Variants in ZFP64 observed in about 807,000 individuals in gnomAD.
ZFP64 encodes ZFP64 zinc finger protein.
In ZFP64, 14 loss-of-function variants were observed where a neutral mutation model predicts 51.6. The observed-to-expected ratio is 0.27, with a 90% confidence interval of 0.18 to 0.42. ZFP64 has a LOEUF of 0.42. ZFP64 is among the 10% of genes least tolerant of loss of function. The pLI, the probability that ZFP64 is intolerant of heterozygous loss-of-function variation, is 1.00. For synonymous variants in ZFP64, 375 were observed against 361.4 expected (o/e 1.04, Z -0.43); for missense variants, 754 against 906.8 (o/e 0.83, Z 2.16).
At position 52,090,789 on chromosome 20, in the gene ZFP64, ATTTT is replaced by A. The variant is rs34728955; in HGVS notation, c.977-2150_977-2147del. ...ACTCCAACCTGGGTGACAGAGCAAG[ATTTT>A]TTTTTTTTTTTTTTTGAGACAGACT... On this transcript the variant is annotated intron_variant, in intron 7 of 8. Transcript: ENST00000361387. Among the ~76,000 whole-genome samples the A allele has an allele frequency of 5.3e-5, 7 of 132,420 alleles. No homozygotes were observed. In the South Asian group the frequency reaches 7.3e-4, roughly 14 times the overall value. The allele number at this position is 132,420 out of a possible 152,430, so 86.9% of individuals were successfully genotyped here. A position where few individuals can be genotyped will look rare whatever the true frequency, so the allele number is the denominator to read the frequency against.
chr20:52,098,151 C>G (rs1014517245), intron 6 of ZFP64, among the ~76,000 whole-genome samples: 1 of 112,610 alleles, frequency 8.9e-6, no homozygotes, highest in African/African-American at 3.5e-5. Context: ...CCAGCCTGGG[C>G]AACAAGAGTG....
At chr20:52,146,431 G>A (rs1980530487), downstream of ZFP64, among the ~76,000 whole-genome samples, 1 of 151,714 alleles carries the variant, frequency 6.6e-6, no homozygotes, top group South Asian at 2.1e-4. Flanking sequence ...CCTTTGTAGG[G>A]ACATGGATGA....
At chr20:52,170,177 C>T (rs920367707) in intron 2 of ZFP64, among the ~76,000 whole-genome samples, 33 of 151,008 alleles carry the variant, frequency 2.2e-4, no homozygotes, top group African/African-American at 8.0e-4. Context: ...AAGGGCCGGG[C>T]GTGGTGGCTC....
At chr20:52,165,545 C>A in intron 3 of ZFP64, 3 of 529,164 alleles carry the variant, frequency 5.7e-6, no homozygotes, top group Non-Finnish European at 1.1e-5. Context: ...AAATTAAAAC[C>A]AAAGTAAGGA....
downstream of ZFP64, among the ~76,000 whole-genome samples, chr20:52,149,948 C>A (rs1257017353): frequency 6.6e-6 from 1 of 152,102 alleles, no homozygotes; most frequent in Non-Finnish European, 1.5e-5. Context: ...GTGGCTCACA[C>A]CTGTAATCCC....
chr20:52,142,417 C>A (rs1192729081), intron 5 of ZFP64, among the ~76,000 whole-genome samples: 2 of 147,224 alleles, frequency 1.4e-5, no homozygotes, highest in Non-Finnish European at 3.0e-5. Context: ...CACACACACA[C>A]AAATTGCTTA....
At chr20:52,108,302 A>G (rs1449300157) in intron 5 of ZFP64, among the ~76,000 whole-genome samples, 4 of 152,144 alleles carry the variant, frequency 2.6e-5, no homozygotes, top group African/African-American at 4.8e-5. Flanking sequence ...ATTTTTGCCA[A>G]CTATATTGAT....
intron 2 of ZFP64, among the ~76,000 whole-genome samples, chr20:52,174,535 T>C (rs550286229): frequency 1.4e-4 from 21 of 149,614 alleles, no homozygotes; most frequent in African/African-American, 5.2e-4. Flanking sequence ...ACTAGGATCA[T>C]GGCTTAAATC....
At chr20:52,148,995 A>G (rs561658973), downstream of ZFP64, among the ~76,000 whole-genome samples, 10 of 152,308 alleles carry the variant, frequency 6.6e-5, no homozygotes, top group East Asian at 1.7e-3. Context: ...CTTCCCAACA[A>G]CCAAAAGGAG....
chr20:52,180,547 C>CAAAAAA (rs10669415), intron 2 of ZFP64, among the ~76,000 whole-genome samples: 4,983 of 86,958 alleles, frequency 0.057, 215 homozygotes, highest in Non-Finnish European at 0.077. Context: ...CCAGAAATGG[C>CAAAAAA]AAAAAAAAAA....
intron 5 of ZFP64, among the ~76,000 whole-genome samples, chr20:52,140,077 ATATAAGACGACGAAAT>A (rs1236675800): frequency 1.3e-5 from 2 of 152,092 alleles, no homozygotes; most frequent in Non-Finnish European, 1.5e-5. Context: ...AACCATGTCC[ATATAAGACGACGAAAT>A]TAACTGATAA....
intron 2 of ZFP64, 35 bp downstream of exon 2, chr20:52,186,797 C>T: frequency 1.3e-6 from 2 of 1,578,560 alleles, no homozygotes; most frequent in Non-Finnish European, 1.7e-6. Flanking sequence ...ACAGCCAGGC[C>T]AATTCTGGCC....
At chr20:52,097,706 C>T (rs868222146) in intron 6 of ZFP64, among the ~76,000 whole-genome samples, 10 of 152,022 alleles carry the variant, frequency 6.6e-5, no homozygotes, top group African/African-American at 1.4e-4. Flanking sequence ...GTGATCTGCC[C>T]GCCCCGGCTT....
intron 5 of ZFP64, among the ~76,000 whole-genome samples, chr20:52,117,069 TCACACACACACG>T (rs1175451258): frequency 6.7e-6 from 1 of 148,150 alleles, no homozygotes; most frequent in Non-Finnish European, 1.5e-5. Context: ...AGACTCTGTC[TCACACACACACG>T]CACACACACA....
intron 5 of ZFP64, among the ~76,000 whole-genome samples, chr20:52,128,136 C>T (rs1979533208): frequency 6.6e-6 from 1 of 152,160 alleles, no homozygotes; most frequent in Non-Finnish European, 1.5e-5. Flanking sequence ...TCTACAGCCA[C>T]ATTGAAAGCC....
In ZFP64 at chr20:52,160,632, TAGA is replaced by T. The variant is rs1395875429; in HGVS notation, c.512-261_512-259del. ...TTATAAATTTTTTATAAATTAAAAA[TAGA>T]AGGCAATTAAAATTTTAAAGTATAG... On this transcript the variant is annotated intron_variant, in intron 4 of 5. Coordinates refer to ENST00000216923, the MANE Select transcript of ZFP64 (RefSeq NM_018197.3). This position sits in a 1 kb window ranked among gnomAD's most constrained non-coding sequence, Gnocchi z 4.2. 6.6e-6 allele frequency among the ~76,000 whole-genome samples: 1 copy of T among 152,174 alleles called. No homozygotes were observed. Among genetic ancestry groups the T allele is most frequent in the Non-Finnish European group, 1.5e-5 (1 of 68,016 alleles).
At chr20:52,145,733 G>A (rs1378477922) in intron 5 of ZFP64, among the ~76,000 whole-genome samples, 1 of 152,198 alleles carries the variant, frequency 6.6e-6, no homozygotes, top group East Asian at 1.9e-4. Context: ...CATGAATGGA[G>A]CTTGCAGGAC....
intron 1 of ZFP64, among the ~76,000 whole-genome samples, chr20:52,188,615 CCGA>C (rs1984151054): frequency 6.6e-6 from 1 of 151,748 alleles, no homozygotes; most frequent in African/African-American, 2.4e-5. Flanking sequence ...CCGCACCCGG[CCGA>C]CATTATTTCT....
intron 5 of ZFP64, among the ~76,000 whole-genome samples, chr20:52,103,226 C>T (rs1470807307): frequency 2.6e-5 from 4 of 152,178 alleles, no homozygotes; most frequent in Non-Finnish European, 5.9e-5. Flanking sequence ...AGTAAGGTTC[C>T]TCCAGCCCCT....
Sources: allele counts gnomAD v4.1 joint callset (sites outside exome capture counted in the v4.1 genomes callset), GRCh38; gene constraint gnomAD v4.1.1; non-coding constraint Gnocchi (gnomAD v3.1); transcripts MANE v1.5; gene names NCBI Gene and HGNC (gene_info 2026-07-23, HGNC 2026-07-21).